Variants in GNS observed in about 807,000 individuals in gnomAD.
The protein encoded by GNS is glucosamine (N-acetyl)-6-sulfatase.
In GNS, 40 loss-of-function variants were observed where a neutral mutation model predicts 69.7. The ratio of observed to expected loss-of-function variants is 0.57; its 90% confidence interval spans 0.45 to 0.75. The LOEUF (loss-of-function observed/expected upper bound fraction) is 0.75, where lower values mean the gene tolerates loss of function less well. GNS is among the 30% of genes least tolerant of loss of function. The pLI, the probability that GNS is intolerant of heterozygous loss-of-function variation, is 0.00. For synonymous variants in GNS, 243 were observed against 251.6 expected (o/e 0.97, Z 0.32); for missense variants, 565 against 685.5 (o/e 0.82, Z 1.96).
At chr12:64,722,004 G>T (rs1438038220) in intron 11 of GNS, among the ~76,000 whole-genome samples, 1 of 150,688 alleles carries the variant, frequency 6.6e-6, no homozygotes, top group Non-Finnish European at 1.5e-5. Flanking sequence ...GCAAGGAGAA[G>T]AAATCAACTC....
intron 10 of GNS, among the ~76,000 whole-genome samples, chr12:64,727,583 C>T (rs1410784337): frequency 1.3e-5 from 2 of 152,158 alleles, no homozygotes; most frequent in South Asian, 2.1e-4. Flanking sequence ...GGTACTGACA[C>T]GTTACAATGA....
Position 64,743,306 on chromosome 12 carries a change from A to C in GNS, c.627T>G (p.Ala209=), listed in dbSNP as rs772521115. 1 of 1,608,554 alleles carries C rather than the reference A, an allele frequency of 6.2e-7. No individual in the cohort carries two copies. The highest frequency in any genetic ancestry group is 8.5e-7 in the Non-Finnish European group (1 of 1,175,014). ...AGTCCAGAAAGTCCAAGGAGACATT[A>C]GCCTGACACATAAAAAGATTTGTCA... ...YSVDYLTDVL[A]NVSLDFLDYK... is the part of the protein sequence containing the mutation. The change falls in exon 6 of 14, where the codon GCT becomes GCG. Residue 209 remains alanine (A), a splice_region_variant and synonymous_variant. Transcript: ENST00000258145.
chr12:64,748,552 G>C (rs1869969152), intron 2 of GNS, among the ~76,000 whole-genome samples: 1 of 152,006 alleles, frequency 6.6e-6, no homozygotes, highest in Non-Finnish European at 1.5e-5. Context: ...GGTGAGAGAC[G>C]GGTCTTAACC....
At chr12:64,757,746 C>T (rs1870304027) in intron 1 of GNS, among the ~76,000 whole-genome samples, 1 of 152,182 alleles carries the variant, frequency 6.6e-6, no homozygotes, top group South Asian at 2.1e-4. Flanking sequence ...CTTTTCTATT[C>T]TATTCTATTC....
In GNS at chr12:64,759,349, G is replaced by A. The variant is rs1325082852; in HGVS notation, c.-73C>T. On this transcript the variant is annotated 5_prime_UTR_variant, in exon 1 of 14. Coordinates refer to ENST00000258145, the MANE Select transcript of GNS (RefSeq NM_002076.4). ...CGCACAGGTAGCTGAAGGGCGAGAG[G>A]CCGACCAGCCGAAGGAATAAAAAGC... 5 of 1,013,508 alleles carry A rather than the reference G, an allele frequency of 4.9e-6. No homozygotes were observed. Among genetic ancestry groups the A allele is most frequent in the Non-Finnish European group, 4.2e-6 (3 of 713,338 alleles). The allele number at this position is 1,013,508 out of a possible 1,614,324, so 62.8% of individuals were successfully genotyped here. A position where few individuals can be genotyped will look rare whatever the true frequency, so the allele number is the denominator to read the frequency against.
chr12:64,722,740 C>A (rs1008969262), intron 11 of GNS: 40 of 425,506 alleles, frequency 9.4e-5, no homozygotes, highest in Non-Finnish European at 1.6e-4. Context: ...GGTAGAAAAA[C>A]AGGGAAGAGG....
At chr12:64,754,839 T>C (rs1870197794) in intron 1 of GNS, among the ~76,000 whole-genome samples, 1 of 151,116 alleles carries the variant, frequency 6.6e-6, no homozygotes, top group South Asian at 2.1e-4. Context: ...CAGTGAGCTA[T>C]GACTGCACCA....
chr12:64,747,170 A>T (rs1240565152), intron 3 of GNS, among the ~76,000 whole-genome samples: 2 of 152,174 alleles, frequency 1.3e-5, no homozygotes. Context: ...CTGGCCATAC[A>T]CTTTAATGAC....
chr12:64,727,085 A>G (rs750496296), intron 10 of GNS, among the ~76,000 whole-genome samples: 9 of 152,050 alleles, frequency 5.9e-5, no homozygotes, highest in Non-Finnish European at 1.3e-4. Flanking sequence ...ACCTACTACA[A>G]TATAATAATC....
At chr12:64,731,644 T>C (rs1370793765) in intron 9 of GNS, among the ~76,000 whole-genome samples, 1 of 152,222 alleles carries the variant, frequency 6.6e-6, no homozygotes, top group Non-Finnish European at 1.5e-5. Context: ...CAAGTATGAA[T>C]GAAGAGTTAA....
intron 10 of GNS, among the ~76,000 whole-genome samples, chr12:64,725,300 A>G (rs1160786728): frequency 6.6e-6 from 1 of 152,206 alleles, no homozygotes; most frequent in East Asian, 1.9e-4. Context: ...AGCCATCAAC[A>G]ATACATAAAT....
chr12:64,747,137 C>A (rs1869920162), intron 3 of GNS, among the ~76,000 whole-genome samples: 1 of 152,198 alleles, frequency 6.6e-6, no homozygotes, highest in Non-Finnish European at 1.5e-5. Flanking sequence ...CCATCCAGGT[C>A]TACAAGGCTG....
chr12:64,746,930 G>C (rs904283196), intron 3 of GNS, among the ~76,000 whole-genome samples: 1 of 152,188 alleles, frequency 6.6e-6, no homozygotes, highest in Non-Finnish European at 1.5e-5. Flanking sequence ...CAGATATTAA[G>C]ATCTCTAGCA....
chr12:64,719,377 G>C (rs572840360), intron 13 of GNS, among the ~76,000 whole-genome samples: 1 of 152,160 alleles, frequency 6.6e-6, no homozygotes, highest in Non-Finnish European at 1.5e-5. Context: ...AAAGATAAAT[G>C]ACAAGGTTCC....
chr12:64,739,562 G>GA, intron 7 of GNS, 63 bp from the exon 8 acceptor site: 2 of 397,232 alleles, frequency 5.0e-6, no homozygotes, highest in South Asian at 8.4e-5. Context: ...TCACTATCTT[G>GA]CCAAAAAAAA....
chr12:64,716,676 CT>C lies in GNS; in HGVS notation c.*64del. ...GGTCTTGAAGACTAGCTACAGACAC[CT>C]ACTACAATCACTTCATCAGAAAGAG... On this transcript the variant is annotated 3_prime_UTR_variant, in exon 14 of 14. Transcript: ENST00000258145. 1 of 1,039,278 alleles carries C rather than the reference CT, an allele frequency of 9.6e-7. No homozygotes were observed. The highest frequency in any genetic ancestry group is 2.4e-5 in the East Asian group (1 of 42,298). The allele number at this position is 1,039,278 out of a possible 1,614,324, so 64.4% of individuals were successfully genotyped here. A position where few individuals can be genotyped will look rare whatever the true frequency, so the allele number is the denominator to read the frequency against.
At chr12:64,746,863 A>C (rs1439548488) in intron 3 of GNS, among the ~76,000 whole-genome samples, 1 of 152,200 alleles carries the variant, frequency 6.6e-6, no homozygotes, top group Non-Finnish European at 1.5e-5. Flanking sequence ...TAAACTCACA[A>C]GGTTGCAGAT....
At chr12:64,730,574 T>TA (rs747223145) in intron 9 of GNS, among the ~76,000 whole-genome samples, 3 of 152,024 alleles carry the variant, frequency 2.0e-5, no homozygotes, top group Non-Finnish European at 4.4e-5. Context: ...TGTCAGGTAT[T>TA]ACTGCCCAAA....
At chr12:64,732,765 T>G (rs898703359) in intron 9 of GNS, among the ~76,000 whole-genome samples, 2 of 151,232 alleles carry the variant, frequency 1.3e-5, no homozygotes, top group African/African-American at 4.9e-5. Flanking sequence ...CTGGCCTAAT[T>G]TTTGTATTTT....
Sources: allele counts gnomAD v4.1 joint callset (sites outside exome capture counted in the v4.1 genomes callset), GRCh38; gene constraint gnomAD v4.1.1; transcripts MANE v1.5; gene names NCBI Gene and HGNC (gene_info 2026-07-23, HGNC 2026-07-21).